Variants in SEMA6D observed in about 807,000 individuals in gnomAD.
SEMA6D encodes the protein semaphorin 6D, also known as semaphorin-6D.
SEMA6D carries 35 observed loss-of-function variants against 106.6 expected under a neutral mutation model. The observed-to-expected ratio is 0.33, with a 90% CI of 0.25 to 0.44. SEMA6D has a LOEUF of 0.44. Ranked by LOEUF, SEMA6D falls within the 20% of genes least tolerant of loss-of-function variation. SEMA6D has a pLI of 1.00. For synonymous variants in SEMA6D, 499 were observed against 487.7 expected (o/e 1.02, Z -0.31); for missense variants, 1,185 against 1,345.9 (o/e 0.88, Z 1.87).
chr15:47,748,155 C>T (rs1298560342), intron 1 of SEMA6D, among the ~76,000 whole-genome samples: 1 of 152,164 alleles, frequency 6.6e-6, no homozygotes, highest in African/African-American at 2.4e-5. Context: ...TATAGAGAAC[C>T]TCTTGGTTTT....
intron 3 of SEMA6D, among the ~76,000 whole-genome samples, chr15:47,582,873 C>G (rs981241061): frequency 5.3e-5 from 8 of 151,992 alleles, no homozygotes; most frequent in African/African-American, 1.9e-4. Flanking sequence ...AATCCAGAAT[C>G]TTTCACGTAG....
chr15:47,570,400 T>G (rs1343933964), intron 3 of SEMA6D, among the ~76,000 whole-genome samples: 1 of 152,124 alleles, frequency 6.6e-6, no homozygotes, highest in Non-Finnish European at 1.5e-5. Flanking sequence ...TTATATGGGG[T>G]TTTTGTGTGT....
At chr15:47,729,082 C>T (rs565811746) in intron 1 of SEMA6D, among the ~76,000 whole-genome samples, 24 of 152,276 alleles carry the variant, frequency 1.6e-4, no homozygotes, top group African/African-American at 5.8e-4. Flanking sequence ...AGCGTGCGGC[C>T]AGAGTCAGAA....
intron 1 of SEMA6D, among the ~76,000 whole-genome samples, chr15:47,743,164 A>G (rs146555616): frequency 9.9e-5 from 15 of 152,232 alleles, no homozygotes; most frequent in African/African-American, 3.6e-4. Context: ...AACAATTTCA[A>G]AATCAAGGGA....
At chr15:47,719,506 G>A (rs1176375630) in intron 1 of SEMA6D, among the ~76,000 whole-genome samples, 1 of 152,104 alleles carries the variant, frequency 6.6e-6, no homozygotes, top group African/African-American at 2.4e-5. Context: ...AAAAATTATG[G>A]GTGCTTTTTA....
At chr15:47,344,235 G>A (rs1223573498) in intron 1 of SEMA6D, among the ~76,000 whole-genome samples, 1 of 152,086 alleles carries the variant, frequency 6.6e-6, no homozygotes, top group East Asian at 1.9e-4. Flanking sequence ...TATCACTACT[G>A]TGTTATCAGT....
At chr15:47,192,872 A>G (rs188805699) in intron 1 of SEMA6D, among the ~76,000 whole-genome samples, 500 of 152,348 alleles carry the variant, frequency 3.3e-3, no homozygotes, top group African/African-American at 0.012. Context: ...CAATAGAGAA[A>G]AACGTTGTCC....
intron 1 of SEMA6D, among the ~76,000 whole-genome samples, chr15:47,741,452 C>G (rs1372431272): frequency 5.3e-5 from 8 of 152,242 alleles, no homozygotes; most frequent in Non-Finnish European, 1.2e-4. Flanking sequence ...CACAGTGGCT[C>G]ACGCCTGTAA....
intron 3 of SEMA6D, among the ~76,000 whole-genome samples, chr15:47,565,604 G>A (rs1462010988): frequency 2.0e-5 from 3 of 152,168 alleles, no homozygotes; most frequent in African/African-American, 7.2e-5. Flanking sequence ...CTGAATCTGG[G>A]AGGCATCGAA....
chr15:47,538,917 A>G (rs974436941), intron 3 of SEMA6D, among the ~76,000 whole-genome samples: 3 of 152,178 alleles, frequency 2.0e-5, no homozygotes, highest in Non-Finnish European at 4.4e-5. Flanking sequence ...CCCAAAGGAA[A>G]AAAGGAAATA....
At chr15:47,756,228 C>T (rs934360208) in intron 1 of SEMA6D, among the ~76,000 whole-genome samples, 2 of 152,128 alleles carry the variant, frequency 1.3e-5, no homozygotes, top group African/African-American at 4.8e-5. Flanking sequence ...GAGGCCTGTA[C>T]ATCTGTGAAG....
At chr15:47,195,036 G>GA (rs1456893597) in intron 1 of SEMA6D, among the ~76,000 whole-genome samples, 1 of 152,006 alleles carries the variant, frequency 6.6e-6, no homozygotes. Context: ...GAAATTTGAT[G>GA]AAAAAAAGAA....
intron 2 of SEMA6D, among the ~76,000 whole-genome samples, chr15:47,452,870 A>G (rs1246776901): frequency 6.6e-6 from 1 of 152,006 alleles, no homozygotes; most frequent in East Asian, 1.9e-4. Context: ...ATGTCAAATA[A>G]TAGTATTTAT....
intron 4 of SEMA6D, among the ~76,000 whole-genome samples, chr15:47,655,476 C>T (rs1475076581): frequency 1.3e-5 from 2 of 152,178 alleles, no homozygotes. Flanking sequence ...GCTATAAACA[C>T]TTACAAATGT....
At chr15:47,370,427 A>G (rs2039224743) in intron 1 of SEMA6D, among the ~76,000 whole-genome samples, 1 of 152,112 alleles carries the variant, frequency 6.6e-6, no homozygotes, top group Non-Finnish European at 1.5e-5. Context: ...AGGTGAAAGG[A>G]TGGCTTGAGC....
At chr15:47,411,360 G>T (rs545166815) in intron 1 of SEMA6D, among the ~76,000 whole-genome samples, 1 of 152,202 alleles carries the variant, frequency 6.6e-6, no homozygotes, top group East Asian at 1.9e-4. Context: ...CTCCCAAAGT[G>T]CTGGGATTGA....
intron 2 of SEMA6D, among the ~76,000 whole-genome samples, chr15:47,434,845 T>G (rs2140629820): frequency 6.6e-6 from 1 of 152,216 alleles, no homozygotes; most frequent in African/African-American, 2.4e-5. Flanking sequence ...AGTGCGTTCT[T>G]TGTAAGAAAT....
chr15:47,523,132 A>T (rs533132023), intron 3 of SEMA6D, among the ~76,000 whole-genome samples: 1 of 152,140 alleles, frequency 6.6e-6, no homozygotes, highest in Non-Finnish European at 1.5e-5. Context: ...GCTGAATCCA[A>T]CTGAAAGCCA....
chr15:47,581,480 G>A lies in SEMA6D; in HGVS notation c.-86-19385G>A, dbSNP rs72733893. ...GTGGGAAGGCACTCCTTTAGATGGC[G>A]TAGCCAAGGAGGCCTCTCTGAGGTC... On this transcript the variant is annotated intron_variant, in intron 3 of 19. Coordinates refer to the SEMA6D transcript ENST00000558014. 2,681 of 409,844 alleles carry A rather than the reference G, an allele frequency of 6.5e-3. 21 individuals are homozygous for A. Among genetic ancestry groups the A allele is most frequent in the Admixed American group, 9.5e-3 (349 of 36,854 alleles). The allele number at this position is 409,844 out of a possible 1,614,324, so 25.4% of individuals were successfully genotyped here.
Sources: gnomAD v4.1 joint callset for allele counts (sites outside exome capture counted in the v4.1 genomes callset) on GRCh38, gnomAD v4.1.1 for gene constraint, MANE v1.5 for transcripts, NCBI Gene and HGNC (gene_info 2026-07-23, HGNC 2026-07-21) for gene names.